Variants in DUSP22 observed in about 807,000 individuals in gnomAD.
The protein encoded by DUSP22 is dual specificity protein phosphatase 22.
Under a neutral mutation model 24.5 loss-of-function variants are expected in DUSP22, and 24 were observed. That is an observed-to-expected ratio of 0.98 (90% CI 0.71 to 1.38). The LOEUF (loss-of-function observed/expected upper bound fraction) is 1.38, where lower values mean the gene tolerates loss of function less well. Ranked by LOEUF, DUSP22 falls within the 40% of genes most tolerant of loss-of-function variation. DUSP22 has a pLI of 0.00. For missense variants in DUSP22, 330 were observed against 269.2 expected (o/e 1.23, Z -1.58); for synonymous variants, 160 against 106.4 (o/e 1.50, Z -3.10).
intron 4 of DUSP22, among the ~76,000 whole-genome samples, chr6:344,171 C>A (rs1362299988): frequency 6.6e-6 from 1 of 151,032 alleles, no homozygotes; most frequent in Non-Finnish European, 1.5e-5. Flanking sequence ...CAACCAGGCA[C>A]TCCCTGAACG....
At chr6:315,109 C>T (rs1397597702) in intron 3 of DUSP22, among the ~76,000 whole-genome samples, 1 of 152,302 alleles carries the variant, frequency 6.6e-6, no homozygotes, top group Non-Finnish European at 1.5e-5. Flanking sequence ...GTGAGGTGGT[C>T]AGCCAAGGGA....
At chr6:332,031 G>A (rs1324366853) in intron 3 of DUSP22, among the ~76,000 whole-genome samples, 1 of 152,304 alleles carries the variant, frequency 6.6e-6, no homozygotes, top group Non-Finnish European at 1.5e-5. Context: ...AAATGATGGT[G>A]CTTTACAGTA....
intron 3 of DUSP22, among the ~76,000 whole-genome samples, chr6:332,121 A>G (rs112249122): frequency 3.1e-3 from 470 of 152,310 alleles, no homozygotes; most frequent in Middle Eastern, 0.014. Flanking sequence ...CTCTGCAGAC[A>G]TTTCAGTGAG....
At chr6:317,977 T>C (rs572465594) in intron 3 of DUSP22, among the ~76,000 whole-genome samples, 49 of 152,394 alleles carry the variant, frequency 3.2e-4, no homozygotes, top group African/African-American at 1.2e-3. Flanking sequence ...TTCTTTATCA[T>C]GAGCAATTTG....
chr6:343,553 A>G (rs1379714855), intron 4 of DUSP22, among the ~76,000 whole-genome samples: 5 of 148,104 alleles, frequency 3.4e-5, no homozygotes, highest in Non-Finnish European at 7.5e-5. Context: ...AAGTTAACAA[A>G]AGCAGATGTG....
chr6:307,559 C>T (rs1488719983), intron 2 of DUSP22, among the ~76,000 whole-genome samples: 1 of 152,306 alleles, frequency 6.6e-6, no homozygotes, highest in Non-Finnish European at 1.5e-5. Context: ...CAGGATGCAG[C>T]AGGCAGCCTT....
In DUSP22 at chr6:349,223, A is replaced by G; in HGVS notation, c.*272A>G. The G allele has an allele frequency of 1.4e-6, 2 of 1,382,616 alleles. No homozygotes were observed. Among genetic ancestry groups the G allele is most frequent in the African/African-American group, 1.4e-5 (1 of 69,086 alleles). 85.6% of individuals were successfully genotyped at this position (1,382,616 alleles called of 1,614,324 possible). A position where few individuals can be genotyped will look rare whatever the true frequency, so the allele number is the denominator to read the frequency against. ...TGTGCACGTGCGTGTGTGTGAGTGC[A>G]CTTGTGTGTGGGTGACTAAGTGGAT... is the stretch of plus-strand genomic sequence containing the variant. On this transcript the variant is annotated 3_prime_UTR_variant, in exon 7 of 7. Coordinates refer to ENST00000419235, the MANE Select transcript of DUSP22 (RefSeq NM_001286555.3).
intron 2 of DUSP22, among the ~76,000 whole-genome samples, chr6:310,975 G>T (rs796122097): frequency 2.9e-4 from 44 of 152,408 alleles, no homozygotes; most frequent in African/African-American, 9.6e-4. Flanking sequence ...GTTTATTTGG[G>T]CCAAGCTTGA....
chr6:315,629 C>T (rs1758307656), intron 3 of DUSP22, among the ~76,000 whole-genome samples: 1 of 152,306 alleles, frequency 6.6e-6, no homozygotes, highest in Admixed American at 6.5e-5. Context: ...CCTGCCATGC[C>T]ATCACCAGCA....
chr6:322,181 C>T (rs908755557), intron 3 of DUSP22, among the ~76,000 whole-genome samples: 2 of 152,296 alleles, frequency 1.3e-5, no homozygotes, highest in African/African-American at 2.4e-5. Context: ...GTATCTAAGC[C>T]ATTGCTCTTA....
Position 350,990 on chromosome 6 carries a change from C to G in DUSP22, c.*2039C>G. The G allele has an allele frequency of 2.2e-6, 3 of 1,359,736 alleles. No individual in the cohort carries two copies. Among genetic ancestry groups the G allele is most frequent in the Non-Finnish European group, 3.1e-6 (3 of 960,092 alleles). 84.2% of individuals were successfully genotyped at this position (1,359,736 alleles called of 1,614,324 possible). On this transcript the variant is annotated 3_prime_UTR_variant, in exon 7 of 7. Transcript: ENST00000419235. ...TTGTAAACTTGTTTTTCATTTGAAG[C>G]TGAATATATACGTAGTCATGTTTAT...
chr6:349,928 G>T lies in DUSP22; in HGVS notation c.*977G>T, dbSNP rs9503347. The T allele has an allele frequency of 0.022, 21,112 of 980,386 alleles. 17 individuals are homozygous for T. The highest frequency in any genetic ancestry group is 0.044 in the African/African-American group (2,467 of 56,542). 60.7% of individuals were successfully genotyped at this position (980,386 alleles called of 1,614,324 possible). A position where few individuals can be genotyped will look rare whatever the true frequency, so the allele number is the denominator to read the frequency against. Reference sequence around the variant, plus strand: ...CAGCTTCATTCACTCCCAGCCTCTCGCTGTCCTCACTTTGCAGGGGCTCCT... The same window carrying T: ...CAGCTTCATTCACTCCCAGCCTCTCTCTGTCCTCACTTTGCAGGGGCTCCT... On this transcript the variant is annotated 3_prime_UTR_variant, in exon 7 of 7. Coordinates refer to ENST00000419235, the MANE Select transcript of DUSP22 (RefSeq NM_001286555.3).
chr6:342,907 C>G (rs1463989166), intron 4 of DUSP22, among the ~76,000 whole-genome samples: 2 of 152,306 alleles, frequency 1.3e-5, no homozygotes, highest in African/African-American at 4.8e-5. Context: ...TCCATTATCT[C>G]CAGGCCAGCA....
intron 2 of DUSP22, among the ~76,000 whole-genome samples, chr6:308,733 G>A (rs1298128306): frequency 1.3e-5 from 2 of 152,306 alleles, no homozygotes; most frequent in East Asian, 1.9e-4. Context: ...CCTTGTGAAC[G>A]TATGAAACCA....
rs556442739 is a variant in DUSP22, at chr6:351,287, G to A, written c.*2336G>A. On this transcript the variant is annotated 3_prime_UTR_variant, in exon 7 of 7. Transcript: ENST00000419235. ...GGTGTGGGTTTTATCTCTGGTTTGT[G>A]TTCTCCGTGGTGGAATTGACCGAAA... 9.2e-4 allele frequency: 181 copies of A among 197,092 alleles called. No individual in the cohort carries two copies. The highest frequency in any genetic ancestry group is 1.3e-3 in the Non-Finnish European group (129 of 96,578). 12.2% of individuals were successfully genotyped at this position (197,092 alleles called of 1,614,324 possible).
intron 3 of DUSP22, among the ~76,000 whole-genome samples, chr6:329,013 G>T (rs373521308): frequency 4.9e-3 from 739 of 152,128 alleles, no homozygotes; most frequent in Non-Finnish European, 8.9e-3. Flanking sequence ...CATACCTGGA[G>T]GAGAAATAAT....
At position 349,928 on chromosome 6, in the gene DUSP22, G is replaced by A. The variant is rs9503347; in HGVS notation, c.*977G>A. 20,131 of 981,002 alleles carry A rather than the reference G, an allele frequency of 0.021. No homozygotes were observed. Among genetic ancestry groups the A allele is most frequent in the Middle Eastern group, 0.023 (43 of 1,910 alleles). The allele number at this position is 981,002 out of a possible 1,614,324, so 60.8% of individuals were successfully genotyped here. A position where few individuals can be genotyped will look rare whatever the true frequency, so the allele number is the denominator to read the frequency against. On this transcript the variant is annotated 3_prime_UTR_variant, in exon 7 of 7. Transcript: ENST00000419235. ...CAGCTTCATTCACTCCCAGCCTCTCGCTGTCCTCACTTTGCAGGGGCTCCT... is the reference window on the plus strand; with the variant it reads ...CAGCTTCATTCACTCCCAGCCTCTCACTGTCCTCACTTTGCAGGGGCTCCT...
At chr6:299,169 G>A (rs1440384700) in intron 1 of DUSP22, among the ~76,000 whole-genome samples, 1 of 152,306 alleles carries the variant, frequency 6.6e-6, no homozygotes, top group African/African-American at 2.4e-5. Flanking sequence ...ACTTGTCCTT[G>A]CTTTCTACCA....
intron 2 of DUSP22, among the ~76,000 whole-genome samples, chr6:305,353 T>G (rs1180039363): frequency 2.6e-5 from 4 of 152,290 alleles, no homozygotes; most frequent in African/African-American, 9.6e-5. Flanking sequence ...GTTGGAACAT[T>G]ATCATCAAAA....
Sources: gnomAD v4.1 joint callset for allele counts (sites outside exome capture counted in the v4.1 genomes callset) on GRCh38, gnomAD v4.1.1 for gene constraint, MANE v1.5 for transcripts, NCBI Gene and HGNC (gene_info 2026-07-23, HGNC 2026-07-21) for gene names.